MCM5: variants seen among roughly 807,000 people sequenced by gnomAD.
MCM5 encodes minichromosome maintenance complex component 5.
A neutral mutation model predicts 79.9 loss-of-function variants in MCM5; 46 were observed. That is an observed-to-expected ratio of 0.58 (90% CI 0.45 to 0.74). MCM5 has a LOEUF of 0.74. Ranked by LOEUF, MCM5 falls within the 30% of genes least tolerant of loss-of-function variation. The pLI, the probability that MCM5 is intolerant of heterozygous loss-of-function variation, is 0.00. For missense variants in MCM5, 883 were observed against 1,017.0 expected, an observed-to-expected ratio of 0.87 and a Z score of 1.79; for synonymous variants, 404 against 390.5, an observed-to-expected ratio of 1.03 and a Z score of -0.41.
At chr22:35,433,533 TG>T in the MCM5 span, among the ~76,000 whole-genome samples, 1 of 152,050 alleles carries the variant, frequency 6.6e-6, no homozygotes, top group Admixed American at 6.5e-5. Flanking sequence ...TTGGGGACCT[TG>T]GGGGGGTCTC....
the MCM5 span, among the ~76,000 whole-genome samples, chr22:35,433,431 G>A: frequency 6.6e-6 from 1 of 152,212 alleles, no homozygotes; most frequent in Non-Finnish European, 1.5e-5. Context: ...CATGTGGCAT[G>A]CTCACAAACA....
chr22:35,404,482 T>C (rs1164454705), intron 4 of MCM5, among the ~76,000 whole-genome samples: 2 of 152,174 alleles, frequency 1.3e-5, no homozygotes, highest in Admixed American at 1.3e-4. Context: ...AACATACCCC[T>C]TCCCCCCCGT....
Position 35,416,330 on chromosome 22 carries a change from C to T in MCM5, c.1348-9C>T, listed in dbSNP as rs1226566203. 1.9e-6 allele frequency: 3 copies of T among 1,613,302 alleles called. No individual in the cohort carries two copies. The highest frequency in any genetic ancestry group is 2.5e-6 in the Non-Finnish European group (3 of 1,179,468). On this transcript the variant is annotated splice_polypyrimidine_tract_variant and intron_variant, in intron 10 of 16. Transcript: ENST00000216122. ...TAGGTCTGATGATATTTCTCTCTTC[C>T]CCACTTAGATGCGAGAAGATGACCG...
chr22:35,408,574 C>T lies in MCM5; in HGVS notation c.752+11C>T, dbSNP rs781657556. The T allele has an allele frequency of 2.6e-5, 42 of 1,599,572 alleles. No homozygotes were observed. The highest frequency in any genetic ancestry group is 9.4e-5 in the African/African-American group (7 of 74,732). ...GCTCTACTGCGACAGGTGAGGCAGA[C>T]GGGCTGGGAGGTGGGCATCTACGAC... On this transcript the variant is annotated intron_variant, in intron 6 of 16. Transcript: ENST00000216122.
chr22:35,403,579 G>A (rs1932126326), intron 4 of MCM5, 37 bp downstream of exon 4: 2 of 1,606,534 alleles, frequency 1.2e-6, no homozygotes, highest in East Asian at 4.5e-5. Flanking sequence ...ATGGTGCAGA[G>A]GGCTTTGGAT....
intron 15 of MCM5, chr22:35,422,740 T>G (rs1288061039): frequency 6.5e-6 from 1 of 152,720 alleles, no homozygotes; most frequent in Non-Finnish European, 1.5e-5. Context: ...TCTGTGGCAG[T>G]AATTGGAAGT....
intron 14 of MCM5, among the ~76,000 whole-genome samples, chr22:35,420,284 G>T (rs984812588): frequency 6.6e-6 from 1 of 152,238 alleles, no homozygotes; most frequent in African/African-American, 2.4e-5. Flanking sequence ...AGGGAGGGAA[G>T]GACCCAGGCC....
intron 12 of MCM5, 96 bp from the exon 13 acceptor site, chr22:35,417,648 G>C: frequency 1.2e-6 from 1 of 844,992 alleles, no homozygotes; most frequent in East Asian, 2.4e-5. Context: ...CTTGATGCCA[G>C]GGCCCCATCA....
chr22:35,416,318 A>G, intron 10 of MCM5, 21 bp from the exon 11 acceptor site: 1 of 1,611,720 alleles, frequency 6.2e-7, no homozygotes, highest in Non-Finnish European at 8.5e-7. Context: ...GTCTGATGAT[A>G]TTTCTCTCTT....
chr22:35,418,020 C>A (rs1237853722), intron 13 of MCM5, among the ~76,000 whole-genome samples, 164 bp downstream of exon 13: 7 of 152,212 alleles, frequency 4.6e-5, no homozygotes, highest in Admixed American at 1.3e-4. Flanking sequence ...TCTAACCTTG[C>A]GTAGCTCACT....
intron 5 of MCM5, among the ~76,000 whole-genome samples, chr22:35,408,107 T>C (rs1051260292): frequency 6.6e-6 from 1 of 152,156 alleles, no homozygotes; most frequent in South Asian, 2.1e-4. Flanking sequence ...TCTTCACCCA[T>C]GAGGACACCA....
rs375005112 is a variant in MCM5 at position 35,406,536 on chromosome 22, C to T, written c.424-17C>T. On this transcript the variant is annotated splice_polypyrimidine_tract_variant and intron_variant, in intron 4 of 16. Coordinates refer to ENST00000216122, the MANE Select transcript of MCM5 (RefSeq NM_006739.4). ...GGCTCCCCTTAACCAACAAGCTTCC[C>T]GATGGCTCTATTACAGTCGGACATG... is the stretch of plus-strand genomic sequence containing the variant. 18 of 1,604,576 alleles carry T rather than the reference C, an allele frequency of 1.1e-5. No individual in the cohort carries two copies. Among genetic ancestry groups the T allele is most frequent in the East Asian group, 2.2e-5 (1 of 44,670 alleles).
At chr22:35,427,910 C>A (rs1035548517), downstream of MCM5, among the ~76,000 whole-genome samples, 1 of 151,930 alleles carries the variant, frequency 6.6e-6, no homozygotes, top group East Asian at 1.9e-4. Context: ...TGTGGTAGCT[C>A]ATTCCTGTAA....
intron 8 of MCM5, among the ~76,000 whole-genome samples, chr22:35,413,006 G>A (rs1412672150): frequency 6.6e-6 from 1 of 152,098 alleles, no homozygotes; most frequent in Non-Finnish European, 1.5e-5. Flanking sequence ...GATATTATTA[G>A]CAGCTGCCAT....
chr22:35,442,312 T>G, the MCM5 span, among the ~76,000 whole-genome samples: 9 of 150,190 alleles, frequency 6.0e-5, no homozygotes, highest in African/African-American at 2.2e-4. Flanking sequence ...CTCTTCGGCC[T>G]AGGGGGCCGA....
In MCM5 at chr22:35,407,261, C is replaced by T. The variant is rs975676535; in HGVS notation, c.596+536C>T. Among the ~76,000 whole-genome samples the T allele has an allele frequency of 2.0e-5, 3 of 152,116 alleles. No homozygotes were observed. In the East Asian group the frequency reaches 5.8e-4, roughly 29 times the overall value. Reference sequence around the variant, plus strand: ...ACTGGCTGCTCTTTCTTGGCTCCTTCGCTGGTGCCTCCTCAGCTTCCCATC... The same window carrying T: ...ACTGGCTGCTCTTTCTTGGCTCCTTTGCTGGTGCCTCCTCAGCTTCCCATC... On this transcript the variant is annotated intron_variant, in intron 5 of 16. Coordinates refer to ENST00000216122, the MANE Select transcript of MCM5 (RefSeq NM_006739.4).
the MCM5 span, among the ~76,000 whole-genome samples, chr22:35,438,084 C>T: frequency 1.1e-4 from 17 of 152,246 alleles, no homozygotes; most frequent in Admixed American, 2.0e-4. Flanking sequence ...AGGCACGGAC[C>T]ATTGTCTCTT....
the MCM5 span, among the ~76,000 whole-genome samples, chr22:35,433,800 A>T: frequency 6.6e-6 from 1 of 152,028 alleles, no homozygotes; most frequent in Admixed American, 6.5e-5. Context: ...CCCTCCTCAG[A>T]GGCACTGGGC....
At chr22:35,453,819 T>TATATATATATAGAGAGAG in the MCM5 span, among the ~76,000 whole-genome samples, 60 of 81,522 alleles carry the variant, frequency 7.4e-4, 1 homozygote, top group African/African-American at 2.5e-3. Flanking sequence ...TATATATATA[T>TATATATATATAGAGAGAG]AGAGAGAGAG....
Sources: gnomAD v4.1 joint callset for allele counts (sites outside exome capture counted in the v4.1 genomes callset) on GRCh38, gnomAD v4.1.1 for gene constraint, MANE v1.5 for transcripts, NCBI Gene and HGNC (gene_info 2026-07-23, HGNC 2026-07-21) for gene names.